KIF26B: variants seen among roughly 807,000 people sequenced by gnomAD.
KIF26B encodes kinesin family member 26B.
Under a neutral mutation model 151.2 loss-of-function variants are expected in KIF26B, and 63 were observed. The ratio of observed to expected loss-of-function variants is 0.42; its 90% confidence interval spans 0.34 to 0.51. The LOEUF is 0.51. Ranked by LOEUF, KIF26B falls within the 20% of genes least tolerant of loss-of-function variation. KIF26B has a pLI of 0.07. For missense variants in KIF26B, 2,813 were observed against 2,913.6 expected (o/e 0.97, Z 0.79); for synonymous variants, 1,357 against 1,262.1 (o/e 1.08, Z -1.59).
chr1:245,469,461 T>G (rs1240509540), intron 4 of KIF26B, among the ~76,000 whole-genome samples: 4 of 152,238 alleles, frequency 2.6e-5, no homozygotes, highest in African/African-American at 9.6e-5. Flanking sequence ...GCAGAACTGA[T>G]TGGCATAGTT....
At chr1:245,365,659 T>G (rs955834170) in intron 2 of KIF26B, among the ~76,000 whole-genome samples, 3 of 152,072 alleles carry the variant, frequency 2.0e-5, no homozygotes, top group Non-Finnish European at 4.4e-5. Context: ...CGTTATCAAT[T>G]ACCTGCAACG....
chr1:245,266,290 A>G (rs767483411), intron 2 of KIF26B, among the ~76,000 whole-genome samples: 3 of 152,188 alleles, frequency 2.0e-5, no homozygotes, highest in Non-Finnish European at 4.4e-5. Flanking sequence ...GTCTGATAAT[A>G]TTAAGTGCTG....
rs368790416 is a variant in KIF26B, at chr1:245,687,339, G to A, written c.4356G>A (p.Thr1452=). Reference sequence around the variant, plus strand: ...GAGAAGAGGAAGTGAAAAAAGAGACGGCTCATCCCAATGAAGAAGGGATGA... The same window carrying A: ...GAGAAGAGGAAGTGAAAAAAGAGACAGCTCATCCCAATGAAGAAGGGATGA... ...LKREEEVKKE[T]AHPNEEGMMR... The change falls in exon 12 of 15, where the codon ACG becomes ACA. Residue 1452 remains threonine (T), a synonymous_variant. Transcript: ENST00000407071. The surrounding 1 kb of genome is among the most constrained non-coding windows in gnomAD (Gnocchi z 4.9). The A allele has an allele frequency of 1.5e-5, 24 of 1,597,048 alleles. No homozygotes were observed. The highest frequency in any genetic ancestry group is 3.5e-5 in the Admixed American group (2 of 57,090).
intron 2 of KIF26B, among the ~76,000 whole-genome samples, chr1:245,276,214 A>G (rs1175678274): frequency 6.6e-6 from 1 of 152,070 alleles, no homozygotes; most frequent in East Asian, 1.9e-4. Flanking sequence ...AGGTGTCTGT[A>G]ATCCCAACTA....
At chr1:245,598,165 A>C (rs2043354185) in intron 5 of KIF26B, among the ~76,000 whole-genome samples, 1 of 152,062 alleles carries the variant, frequency 6.6e-6, no homozygotes, top group African/African-American at 2.4e-5. Context: ...GTAGGGGTAA[A>C]AACTATTTAT....
At chr1:245,230,075 G>A (rs1669961667) in intron 2 of KIF26B, among the ~76,000 whole-genome samples, 2 of 151,370 alleles carry the variant, frequency 1.3e-5, no homozygotes, top group Admixed American at 6.6e-5. Flanking sequence ...GGAGGTTGCA[G>A]TGAGCCGAGA....
chr1:245,280,130 C>T (rs1325110324), intron 2 of KIF26B, among the ~76,000 whole-genome samples: 1 of 152,012 alleles, frequency 6.6e-6, no homozygotes, highest in East Asian at 2.0e-4. Flanking sequence ...CGCCCCATTT[C>T]AGCAGAAGTA....
chr1:245,649,319 C>T (rs973789173), intron 10 of KIF26B, among the ~76,000 whole-genome samples: 6 of 152,290 alleles, frequency 3.9e-5, no homozygotes, highest in South Asian at 2.1e-4. Flanking sequence ...CAAACTGCCT[C>T]GCTCCTCACA....
chr1:245,685,379 C>A, intron 11 of KIF26B, 26 bp from the exon 12 acceptor site: 1 of 1,568,558 alleles, frequency 6.4e-7, no homozygotes, highest in Middle Eastern at 1.7e-4. Flanking sequence ...GAAAGGCCAC[C>A]ACATTAACTG....
intron 10 of KIF26B, among the ~76,000 whole-genome samples, chr1:245,682,772 C>A (rs988308117): frequency 1.3e-5 from 2 of 152,224 alleles, no homozygotes; most frequent in Non-Finnish European, 2.9e-5. Context: ...GAAGACAGAG[C>A]CCAAGACGCA....
chr1:245,258,636 G>T (rs1670582168), intron 2 of KIF26B, among the ~76,000 whole-genome samples: 1 of 152,120 alleles, frequency 6.6e-6, no homozygotes, highest in African/African-American at 2.4e-5. Context: ...GTGGAGCTGT[G>T]GCGTCTCATT....
At chr1:245,293,179 C>T (rs994032242) in intron 2 of KIF26B, among the ~76,000 whole-genome samples, 8 of 151,980 alleles carry the variant, frequency 5.3e-5, no homozygotes, top group South Asian at 2.1e-4. Context: ...ACCTTGTTTT[C>T]GCTCTGTCTT....
At chr1:245,168,716 T>C (rs1358009744) in intron 2 of KIF26B, among the ~76,000 whole-genome samples, 2 of 152,160 alleles carry the variant, frequency 1.3e-5, no homozygotes, top group Non-Finnish European at 2.9e-5. Context: ...TCTTTTTTTC[T>C]GCTCTTTCAA....
intron 4 of KIF26B, among the ~76,000 whole-genome samples, chr1:245,423,097 C>CA (rs35659375): frequency 0.22 from 17,255 of 77,160 alleles, 1,495 homozygotes; most frequent in South Asian, 0.32. Flanking sequence ...GACTCAGTCT[C>CA]AAAAAAAAAA....
At chr1:245,541,658 T>G (rs1661625842) in intron 5 of KIF26B, among the ~76,000 whole-genome samples, 1 of 152,212 alleles carries the variant, frequency 6.6e-6, no homozygotes, top group African/African-American at 2.4e-5. Context: ...ACGTGGCGGT[T>G]TAATTTTTTA....
chr1:245,398,109 A>G (rs1458924178), intron 3 of KIF26B, among the ~76,000 whole-genome samples: 2 of 152,266 alleles, frequency 1.3e-5, no homozygotes, highest in East Asian at 3.9e-4. Flanking sequence ...CTCGGGAGAG[A>G]AGGTGGATTT....
rs12737900 is a variant in KIF26B, at chr1:245,640,160, T to C, written c.2099-5961T>C. 4.1e-3 allele frequency among the ~76,000 whole-genome samples: 225 copies of C among 54,388 alleles called. 6 individuals are homozygous for C. Among genetic ancestry groups the C allele is most frequent in the Admixed American group, 5.1e-3 (31 of 6,050 alleles). 35.7% of individuals were successfully genotyped at this position (54,388 alleles called of 152,430 possible). The stretch of plus-strand genomic sequence containing the variant: ...CTCTCTCTCTATATATATATATATA[T>C]ACCCTGCTATTTGGTTATATATATT... On this transcript the variant is annotated intron_variant, in intron 9 of 14. Coordinates refer to ENST00000407071, the MANE Select transcript of KIF26B (RefSeq NM_018012.4).
rs1660850333 is a variant in KIF26B at position 245,512,108 on chromosome 1, A to G, written c.1167-28659A>G. 6.6e-6 allele frequency among the ~76,000 whole-genome samples: 1 copy of G among 152,236 alleles called. No individual in the cohort carries two copies. Among genetic ancestry groups the G allele is most frequent in the South Asian group, 2.1e-4 (1 of 4,822 alleles). Reference sequence around the variant, plus strand: ...TGGTCATTTGCAACTTTTTAAAAAAAGTCCATACGGTAATGTTAATGCAGC... The same window carrying G: ...TGGTCATTTGCAACTTTTTAAAAAAGGTCCATACGGTAATGTTAATGCAGC... On this transcript the variant is annotated intron_variant, in intron 4 of 14. Transcript: ENST00000407071. This position sits in a 1 kb window ranked among gnomAD's most constrained non-coding sequence, Gnocchi z 4.3.
chr1:245,679,696 C>T (rs183000648), intron 10 of KIF26B, among the ~76,000 whole-genome samples: 2 of 151,854 alleles, frequency 1.3e-5, no homozygotes, highest in Non-Finnish European at 2.9e-5. Flanking sequence ...CTCAAACTCC[C>T]GATCTCAGGT....
Sources: gnomAD v4.1 joint callset for allele counts (sites outside exome capture counted in the v4.1 genomes callset) on GRCh38, gnomAD v4.1.1 for gene constraint, Gnocchi (gnomAD v3.1) non-coding constraint, MANE v1.5 for transcripts, NCBI Gene and HGNC (gene_info 2026-07-23, HGNC 2026-07-21) for gene names.